The following SASH1 variants were observed in gnomAD, a reference collection of about 807,000 sequenced individuals.
SASH1 encodes SAM and SH3 domain-containing protein 1.
Under a neutral mutation model 125.2 loss-of-function variants are expected in SASH1, and 44 were observed. The ratio of observed to expected loss-of-function variants is 0.35; its 90% CI spans 0.28 to 0.45. SASH1 has a LOEUF of 0.45. Ranked by LOEUF, SASH1 falls within the 20% of genes least tolerant of loss-of-function variation. The pLI, the probability that SASH1 is intolerant of heterozygous loss-of-function variation, is 1.00. For missense variants in SASH1, 1,426 were observed against 1,614.5 expected, an observed-to-expected ratio of 0.88 and a Z score of 2.00; for synonymous variants, 639 against 649.1, an observed-to-expected ratio of 0.98 and a Z score of 0.24.
At chr6:148,237,269 G>T in the SASH1 span, among the ~76,000 whole-genome samples, 2 of 152,020 alleles carry the variant, frequency 1.3e-5, no homozygotes, top group Non-Finnish European at 2.9e-5. Context: ...AGATGACTGA[G>T]CTGTCAGCCT....
chr6:148,230,339 T>C, the SASH1 span, among the ~76,000 whole-genome samples: 4 of 152,110 alleles, frequency 2.6e-5, no homozygotes, highest in African/African-American at 9.7e-5. Context: ...TTTTTGTTTC[T>C]TTTTCTTTTC....
chr6:148,518,985 G>GACGATGTGTCAGTCACATTTGC (rs1419647669), intron 9 of SASH1, among the ~76,000 whole-genome samples: 2 of 152,204 alleles, frequency 1.3e-5, no homozygotes, highest in Non-Finnish European at 2.9e-5. Flanking sequence ...GTCAGCTGGA[G>GACGATGTGTCAGTCACATTTGC]ACGATGTGTC....
intron 4 of SASH1, among the ~76,000 whole-genome samples, chr6:148,448,138 G>GTA (rs1259791597): frequency 2.0e-5 from 3 of 150,558 alleles, no homozygotes; most frequent in Non-Finnish European, 2.9e-5. Context: ...GTGTGTGTGT[G>GTA]TATGTGTGTG....
At chr6:148,512,922 A>C in intron 8 of SASH1, 1 of 985,436 alleles carries the variant, frequency 1.0e-6, no homozygotes, top group Non-Finnish European at 1.2e-6. Context: ...TACAGGGAGA[A>C]AGTACCATGG....
chr6:148,536,810 AAGG>A (rs1325742442), intron 16 of SASH1, among the ~76,000 whole-genome samples: 3 of 152,166 alleles, frequency 2.0e-5, no homozygotes, highest in Non-Finnish European at 2.9e-5. Context: ...TTTTTGTACC[AAGG>A]AGCATTTTGT....
At chr6:148,543,095 A>G (rs1341982555) in intron 17 of SASH1, among the ~76,000 whole-genome samples, 1 of 152,166 alleles carries the variant, frequency 6.6e-6, no homozygotes. Context: ...CTTTATCAGT[A>G]TTTTGTAGAT....
At chr6:148,524,254 C>T (rs2115371138) in intron 10 of SASH1, among the ~76,000 whole-genome samples, 1 of 147,850 alleles carries the variant, frequency 6.8e-6, no homozygotes, top group Non-Finnish European at 1.5e-5. Context: ...CTTTTCTGTT[C>T]ATTTCTTCCA....
intron 2 of SASH1, among the ~76,000 whole-genome samples, chr6:148,418,011 T>C (rs1251198661): frequency 6.6e-6 from 1 of 152,168 alleles, no homozygotes; most frequent in Non-Finnish European, 1.5e-5. Context: ...GATGTTGTGA[T>C]TGACAAAAGG....
chr6:148,238,625 TACAC>T, the SASH1 span, among the ~76,000 whole-genome samples: 9,474 of 149,434 alleles, frequency 0.063, 697 homozygotes, highest in African/African-American at 0.18. Context: ...TACACACACA[TACAC>T]ACACACACAC....
At chr6:148,325,018 G>A (rs544809762) in intron 1 of SASH1, among the ~76,000 whole-genome samples, 1 of 152,286 alleles carries the variant, frequency 6.6e-6, no homozygotes, top group East Asian at 1.9e-4. Context: ...TTAGGCAATT[G>A]TGTTAACTTG....
In SASH1 at chr6:148,497,326, A is replaced by AG. The variant is rs570889181; in HGVS notation, c.729+9615dup. Among the ~76,000 whole-genome samples, 804 of 152,300 alleles carry AG rather than the reference A, an allele frequency of 5.3e-3. 13 individuals are homozygous for AG. Among genetic ancestry groups the AG allele is most frequent in the African/African-American group, 0.018 (763 of 41,556 alleles). On this transcript the variant is annotated intron_variant, in intron 8 of 19. Transcript: ENST00000367467. Reference sequence around the variant, plus strand: ...CCATTCCCAGTCTTTTCTCTGGGACAGGGGCCAAAGTTTTCAGGCATGTAT... The same window carrying AG: ...CCATTCCCAGTCTTTTCTCTGGGACAGGGGGCCAAAGTTTTCAGGCATGTAT...
chr6:148,243,267 A>G, the SASH1 span, among the ~76,000 whole-genome samples: 2 of 152,026 alleles, frequency 1.3e-5, no homozygotes, highest in Non-Finnish European at 2.9e-5. Context: ...CCTGACCAAC[A>G]TGGAGAAACC....
At chr6:148,236,427 G>C in the SASH1 span, among the ~76,000 whole-genome samples, 1 of 152,088 alleles carries the variant, frequency 6.6e-6, no homozygotes. Flanking sequence ...GGCCAGGCTG[G>C]TCTTGAATCC....
At chr6:148,252,244 T>C in the SASH1 span, among the ~76,000 whole-genome samples, 2 of 152,140 alleles carry the variant, frequency 1.3e-5, no homozygotes, top group Admixed American at 6.5e-5. Flanking sequence ...TGCAAAAACT[T>C]CTTTCTACAG....
intron 1 of SASH1, among the ~76,000 whole-genome samples, chr6:148,366,527 G>T (rs928788779): frequency 2.6e-5 from 4 of 152,160 alleles, no homozygotes; most frequent in African/African-American, 9.7e-5. Context: ...TATAAGCTCG[G>T]CAAGCATTTA....
chr6:148,457,009 C>T (rs1411064411), intron 4 of SASH1, among the ~76,000 whole-genome samples: 1 of 150,586 alleles, frequency 6.6e-6, no homozygotes, highest in East Asian at 1.9e-4. Context: ...TGTGCTACAG[C>T]CCTGTTTTAT....
At chr6:148,511,324 TACACACACACACACAC>T (rs58822082) in intron 8 of SASH1, among the ~76,000 whole-genome samples, 75 of 135,462 alleles carry the variant, frequency 5.5e-4, no homozygotes, top group African/African-American at 1.6e-3. Flanking sequence ...AATTTTCTAT[TACACACACACACACAC>T]ACACACACAC....
chr6:148,534,340 T>C (rs1781710322), intron 15 of SASH1, among the ~76,000 whole-genome samples: 1 of 152,204 alleles, frequency 6.6e-6, no homozygotes, highest in African/African-American at 2.4e-5. Flanking sequence ...TCTACTAGCA[T>C]GAGTCTGCAA....
intron 1 of SASH1, among the ~76,000 whole-genome samples, chr6:148,374,434 C>T (rs555246667): frequency 2.1e-3 from 314 of 152,236 alleles, no homozygotes; most frequent in Non-Finnish European, 3.7e-3. Flanking sequence ...GTGAAAAAGC[C>T]AGTGGTGATG....
Sources: gnomAD v4.1 joint callset for allele counts (sites outside exome capture counted in the v4.1 genomes callset) on GRCh38, gnomAD v4.1.1 for gene constraint, MANE v1.5 for transcripts, NCBI Gene and HGNC (gene_info 2026-07-23, HGNC 2026-07-21) for gene names.